Variants in CNTNAP4 observed in about 807,000 individuals in gnomAD.
CNTNAP4 encodes the protein contactin associated protein family member 4.
In CNTNAP4, 98 loss-of-function variants were observed where a neutral mutation model predicts 148.4. The ratio of observed to expected loss-of-function variants is 0.66; its 90% CI spans 0.56 to 0.78. CNTNAP4 has a LOEUF of 0.78. CNTNAP4 is among the 30% of genes least tolerant of loss of function. The pLI, the probability that CNTNAP4 is intolerant of heterozygous loss-of-function variation, is 0.00. For missense variants in CNTNAP4, 1,935 were observed against 1,565.6 expected (o/e 1.24, Z -3.98); for synonymous variants, 730 against 565.1 (o/e 1.29, Z -4.14).
intron 2 of CNTNAP4, among the ~76,000 whole-genome samples, chr16:76,325,551 G>T (rs544628753): frequency 1.3e-5 from 2 of 152,190 alleles, no homozygotes; most frequent in Admixed American, 6.5e-5. Flanking sequence ...TCCTCCAAAA[G>T]AAATCTCAAT....
At chr16:76,516,339 T>C (rs1485140833) in intron 15 of CNTNAP4, among the ~76,000 whole-genome samples, 1 of 151,718 alleles carries the variant, frequency 6.6e-6, no homozygotes, top group Non-Finnish European at 1.5e-5. Flanking sequence ...ACCCAGTCTA[T>C]CATTGATGGG....
intron 3 of CNTNAP4, among the ~76,000 whole-genome samples, chr16:76,418,359 A>G (rs866034839): frequency 2.0e-4 from 25 of 124,260 alleles, no homozygotes; most frequent in Middle Eastern, 4.3e-3. Context: ...TTCTTTGTCT[A>G]TTACAGCTTG....
At chr16:76,458,447 T>G (rs1414917176) in intron 8 of CNTNAP4, among the ~76,000 whole-genome samples, 1 of 152,124 alleles carries the variant, frequency 6.6e-6, no homozygotes, top group African/African-American at 2.4e-5. Flanking sequence ...ATTATACAAC[T>G]CATCATAATG....
chr16:76,495,823 A>T (rs1243297728), intron 14 of CNTNAP4, among the ~76,000 whole-genome samples: 2 of 152,064 alleles, frequency 1.3e-5, no homozygotes, highest in African/African-American at 4.8e-5. Flanking sequence ...ATTCATAGTC[A>T]ATCTGGATGT....
chr16:76,418,147 C>T (rs747542372), intron 3 of CNTNAP4, among the ~76,000 whole-genome samples: 6 of 151,472 alleles, frequency 4.0e-5, no homozygotes, highest in Non-Finnish European at 5.9e-5. Context: ...AGTTCAGTGT[C>T]TGTCATTAAT....
At chr16:76,452,350 A>G (rs1413246126) in intron 7 of CNTNAP4, among the ~76,000 whole-genome samples, 158 bp from the exon 8 acceptor site, 2 of 152,210 alleles carry the variant, frequency 1.3e-5, no homozygotes, top group African/African-American at 4.8e-5. Context: ...GGGTTGAAGA[A>G]CCTTTAAGAA....
chr16:76,533,941 G>A (rs924560195), intron 17 of CNTNAP4, among the ~76,000 whole-genome samples: 1 of 152,172 alleles, frequency 6.6e-6, no homozygotes, highest in Non-Finnish European at 1.5e-5. Flanking sequence ...ACAGCAATTT[G>A]GATATAGTTA....
chr16:76,345,572 G>A (rs1222932184), intron 2 of CNTNAP4, among the ~76,000 whole-genome samples: 3 of 152,284 alleles, frequency 2.0e-5, no homozygotes, highest in Non-Finnish European at 4.4e-5. Flanking sequence ...GGGGATGCGG[G>A]GGGGATTTGG....
intron 4 of CNTNAP4, among the ~76,000 whole-genome samples, chr16:76,442,809 C>A (rs2080096006): frequency 6.6e-6 from 1 of 152,100 alleles, no homozygotes; most frequent in Non-Finnish European, 1.5e-5. Context: ...CACTGCCACA[C>A]TGGGGAACAA....
chr16:76,463,204 A>G (rs956218013), intron 9 of CNTNAP4, among the ~76,000 whole-genome samples: 2 of 152,220 alleles, frequency 1.3e-5, no homozygotes, highest in Non-Finnish European at 2.9e-5. Flanking sequence ...TCTTTTAATA[A>G]ATAGTAAGAT....
At chr16:76,437,285 A>G (rs2079867206) in intron 4 of CNTNAP4, among the ~76,000 whole-genome samples, 1 of 152,070 alleles carries the variant, frequency 6.6e-6, no homozygotes, top group African/African-American at 2.4e-5. Flanking sequence ...TGAAATGTTA[A>G]TCTCCTTTGG....
At chr16:76,311,071 C>T (rs1296189892) in intron 1 of CNTNAP4, among the ~76,000 whole-genome samples, 2 of 152,014 alleles carry the variant, frequency 1.3e-5, no homozygotes, top group Non-Finnish European at 1.5e-5. Context: ...GCACTGAGAA[C>T]GTAGCACCTA....
rs149959367 is a variant in CNTNAP4 at position 76,502,117 on chromosome 16, C to G, written c.2365+3423C>G. On this transcript the variant is annotated intron_variant, in intron 15 of 23. Coordinates refer to ENST00000611870, the MANE Select transcript of CNTNAP4 (RefSeq NM_033401.5). ...ATAGTTTCAAGTATTTAGAGACCCACTAATTAATCTCTGACTTATTAATTA... is the reference window on the plus strand; with the variant it reads ...ATAGTTTCAAGTATTTAGAGACCCAGTAATTAATCTCTGACTTATTAATTA... 1.3e-3 allele frequency among the ~76,000 whole-genome samples: 193 copies of G among 152,244 alleles called. 5 individuals carry two copies. In the East Asian group the frequency reaches 0.03, roughly 23 times the overall value.
intron 19 of CNTNAP4, among the ~76,000 whole-genome samples, 168 bp from the exon 20 acceptor site, chr16:76,539,551 A>G (rs1442548251): frequency 6.6e-6 from 1 of 152,106 alleles, no homozygotes; most frequent in Non-Finnish European, 1.5e-5. Context: ...TTGCAAATAC[A>G]TTATTGCAAT....
chr16:76,281,421 T>C (rs55762603), intron 1 of CNTNAP4, among the ~76,000 whole-genome samples: 638 of 152,212 alleles, frequency 4.2e-3, no homozygotes, highest in Middle Eastern at 6.8e-3. Flanking sequence ...CCACTTCTTA[T>C]TACATGCATC....
chr16:76,287,571 T>C (rs1296578442), intron 1 of CNTNAP4: 1 of 152,216 alleles, frequency 6.6e-6, no homozygotes, highest in East Asian at 1.9e-4. Flanking sequence ...GGAAGTTCTC[T>C]GTTTTTCTGA....
chr16:76,316,558 A>C (rs1349993597), intron 2 of CNTNAP4, 35 bp downstream of exon 2: 4 of 1,346,858 alleles, frequency 3.0e-6, no homozygotes, highest in Non-Finnish European at 4.3e-6. Context: ...TGGCCCATAG[A>C]AAATCTCACT....
At chr16:76,407,277 C>G (rs565563155) in intron 3 of CNTNAP4, among the ~76,000 whole-genome samples, 1 of 152,082 alleles carries the variant, frequency 6.6e-6, no homozygotes, top group Non-Finnish European at 1.5e-5. Context: ...GCCTTGGCCT[C>G]CCAAAGTGCT....
rs2084423835 is a variant in CNTNAP4 at position 76,540,881 on chromosome 16, T to C, written c.3442+91T>C. Reference sequence around the variant, plus strand: ...AGTCATATTACACACACCCACTTCGTCATGGCAAAGGAAATCCCTTGCCTA... The same window carrying C: ...AGTCATATTACACACACCCACTTCGCCATGGCAAAGGAAATCCCTTGCCTA... On this transcript the variant is annotated intron_variant, in intron 21 of 23. Coordinates refer to ENST00000611870, the MANE Select transcript of CNTNAP4 (RefSeq NM_033401.5). 4.9e-6 allele frequency: 4 copies of C among 823,604 alleles called. No individual in the cohort carries two copies. In the Admixed American group the frequency reaches 9.0e-5, roughly 19 times the overall value. The allele number at this position is 823,604 out of a possible 1,614,324, so 51.0% of individuals were successfully genotyped here.
Sources: gnomAD v4.1 joint callset for allele counts (sites outside exome capture counted in the v4.1 genomes callset) on GRCh38, gnomAD v4.1.1 for gene constraint, MANE v1.5 for transcripts, NCBI Gene and HGNC (gene_info 2026-07-23, HGNC 2026-07-21) for gene names.